The following NRXN3 variants were observed in gnomAD, a reference collection of about 807,000 sequenced individuals.
NRXN3 encodes the protein neurexin III.
Under a neutral mutation model 137.6 loss-of-function variants are expected in NRXN3, and 32 were observed. The ratio of observed to expected loss-of-function variants is 0.23; its 90% CI spans 0.18 to 0.31. The LOEUF (loss-of-function observed/expected upper bound fraction) is 0.31. Among genes scored for constraint, NRXN3 ranks in the 10% least tolerant of loss-of-function variants. NRXN3 has a pLI of 1.00. For missense variants in NRXN3, 1,574 were observed against 2,062.5 expected (o/e 0.76, Z 4.59); for synonymous variants, 798 against 784.5 (o/e 1.02, Z -0.29).
Position 79,228,652 on chromosome 14 carries a change from T to A in NRXN3, c.3263-238569T>A, listed in dbSNP as rs138545736. 2.1e-3 allele frequency among the ~76,000 whole-genome samples: 318 copies of A among 152,284 alleles called. 4 individuals are homozygous for A. The highest frequency in any genetic ancestry group is 0.014 in the Middle Eastern group (4 of 294). ...ATATATGGAGAGAGAGAAAAGGGTATATTTGTGCCTTGGATTCATTAGTAA... is the reference window on the plus strand; with the variant it reads ...ATATATGGAGAGAGAGAAAAGGGTAAATTTGTGCCTTGGATTCATTAGTAA... On this transcript the variant is annotated intron_variant, in intron 15 of 20. Coordinates refer to ENST00000335750, the MANE Select transcript of NRXN3 (RefSeq NM_001330195.2).
At chr14:78,740,662 T>C (rs902537221) in intron 8 of NRXN3, among the ~76,000 whole-genome samples, 9 of 152,054 alleles carry the variant, frequency 5.9e-5, no homozygotes, top group Non-Finnish European at 1.0e-4. Context: ...TTCTCCTGGA[T>C]AATGAGGACC....
At position 79,559,653 on chromosome 14, in the gene NRXN3, G is replaced by GA. The variant is rs538590748; in HGVS notation, c.3444+92259dup. On this transcript the variant is annotated intron_variant, in intron 16 of 20. Transcript: ENST00000335750. The stretch of plus-strand genomic sequence containing the variant: ...AGATGTGAAGTGAGCCCATGCTGTT[G>GA]AAAAAAAATAGTGTGGATAGATTTA... Among the ~76,000 whole-genome samples, 438 of 151,808 alleles carry GA rather than the reference G, an allele frequency of 2.9e-3. 2 individuals are homozygous for GA. The highest frequency in any genetic ancestry group is 0.01 in the African/African-American group (415 of 41,424).
intron 16 of NRXN3, among the ~76,000 whole-genome samples, chr14:79,621,423 G>A (rs2098223251): frequency 6.6e-6 from 1 of 152,238 alleles, no homozygotes. Flanking sequence ...AAAGGTGCCA[G>A]TGGAGAAAAG....
chr14:79,131,554 T>A (rs1275896203), intron 15 of NRXN3, among the ~76,000 whole-genome samples: 3 of 152,354 alleles, frequency 2.0e-5, no homozygotes, highest in South Asian at 4.1e-4. Flanking sequence ...TCTAGCTGCA[T>A]GCTGGGAGAA....
At chr14:79,544,151 C>G (rs960596899) in intron 16 of NRXN3, among the ~76,000 whole-genome samples, 1 of 152,152 alleles carries the variant, frequency 6.6e-6, no homozygotes, top group African/African-American at 2.4e-5. Context: ...GCTGGGGCAA[C>G]AAATTAAGGG....
intron 19 of NRXN3, among the ~76,000 whole-genome samples, chr14:79,752,415 A>C (rs554320127): frequency 1.7e-4 from 26 of 152,292 alleles, no homozygotes; most frequent in Middle Eastern, 6.8e-3. Flanking sequence ...ATAACGCTGC[A>C]TATCTACAAC....
At chr14:79,406,093 T>G (rs2095305592) in intron 15 of NRXN3, among the ~76,000 whole-genome samples, 1 of 152,014 alleles carries the variant, frequency 6.6e-6, no homozygotes. Context: ...TTATGAAAAT[T>G]CTTCCCATAG....
At chr14:78,186,421 G>T (rs930126257) in intron 1 of NRXN3, among the ~76,000 whole-genome samples, 1 of 152,208 alleles carries the variant, frequency 6.6e-6, no homozygotes, top group Admixed American at 6.5e-5. Flanking sequence ...TTTTTGCAGC[G>T]TGTACATGCA....
At chr14:79,145,186 TGCCTTA>T (rs2059174977) in intron 15 of NRXN3, among the ~76,000 whole-genome samples, 2 of 152,202 alleles carry the variant, frequency 1.3e-5, no homozygotes, top group Non-Finnish European at 2.9e-5. Flanking sequence ...GGCAACCATG[TGCCTTA>T]ATCTGTATGA....
intron 11 of NRXN3, among the ~76,000 whole-genome samples, chr14:78,962,167 G>A (rs532186011): frequency 6.6e-6 from 1 of 152,294 alleles, no homozygotes; most frequent in South Asian, 2.1e-4. Flanking sequence ...TTTGGAATTA[G>A]CACACCTGAG....
intron 1 of NRXN3, among the ~76,000 whole-genome samples, chr14:78,223,607 T>A (rs933662830): frequency 6.6e-6 from 1 of 152,150 alleles, no homozygotes; most frequent in Non-Finnish European, 1.5e-5. Flanking sequence ...GGTTTCAGCG[T>A]TGGGTTGTGC....
At chr14:79,674,849 G>A (rs1319006430) in intron 17 of NRXN3, among the ~76,000 whole-genome samples, 2 of 151,982 alleles carry the variant, frequency 1.3e-5, no homozygotes, top group African/African-American at 2.4e-5. Context: ...GTTTTTCTCA[G>A]AGTTCAGTGG....
chr14:79,441,588 G>A (rs1489846932), intron 15 of NRXN3, among the ~76,000 whole-genome samples: 1 of 151,612 alleles, frequency 6.6e-6, no homozygotes, highest in East Asian at 1.9e-4. Context: ...CACCGTGTTA[G>A]CCAGGATGGT....
chr14:78,396,750 A>ATT (rs534749781), intron 4 of NRXN3, among the ~76,000 whole-genome samples: 1 of 151,334 alleles, frequency 6.6e-6, no homozygotes, highest in East Asian at 1.9e-4. Context: ...TGTTTTCAAG[A>ATT]TTTTTTTTTG....
chr14:78,709,369 C>T lies in NRXN3; in HGVS notation c.1374C>T (p.Ile458=). The change falls in exon 7 of 21, where the codon ATC becomes ATT. Residue 458 remains isoleucine (I), a synonymous_variant. Transcript: ENST00000335750. The part of the protein sequence containing the change: ...PINFETPEAY[I]SLPKWNTKRM... Reference sequence around the variant, plus strand: ...ACTTTGAGACCCCAGAGGCTTACATCAGCTTGCCCAAGTGGAACACTAAAC... The same window carrying T: ...ACTTTGAGACCCCAGAGGCTTACATTAGCTTGCCCAAGTGGAACACTAAAC... The T allele has an allele frequency of 2.5e-6, 4 of 1,614,142 alleles. No homozygotes were observed. The highest frequency in any genetic ancestry group is 3.4e-6 in the Non-Finnish European group (4 of 1,180,020).
intron 4 of NRXN3, among the ~76,000 whole-genome samples, chr14:78,433,388 A>G (rs2093958294): frequency 6.6e-6 from 1 of 152,104 alleles, no homozygotes; most frequent in South Asian, 2.1e-4. Flanking sequence ...CACCTAGATA[A>G]TCTTCCTTTT....
intron 15 of NRXN3, among the ~76,000 whole-genome samples, chr14:79,410,968 C>T (rs1013866236): frequency 7.9e-5 from 12 of 151,972 alleles, no homozygotes; most frequent in Non-Finnish European, 1.6e-4. Flanking sequence ...AAATATGACT[C>T]GTCAGACTCA....
At chr14:79,834,355 C>T (rs1305755240) in intron 20 of NRXN3, among the ~76,000 whole-genome samples, 2 of 152,096 alleles carry the variant, frequency 1.3e-5, no homozygotes, top group Non-Finnish European at 2.9e-5. Flanking sequence ...TTTTCAAGTA[C>T]TGCTCTTAGA....
chr14:78,456,844 T>TCTTTCTTTCTTTCTTTCTTC (rs1491132588), intron 4 of NRXN3, among the ~76,000 whole-genome samples: 1 of 132,994 alleles, frequency 7.5e-6, no homozygotes, highest in East Asian at 2.2e-4. Flanking sequence ...TTTCTTTCTT[T>TCTTTCTTTCTTTCTTTCTTC]CTTTCTTTCT....
Sources: gnomAD v4.1 joint callset for allele counts (sites outside exome capture counted in the v4.1 genomes callset) on GRCh38, gnomAD v4.1.1 for gene constraint, MANE v1.5 for transcripts, NCBI Gene and HGNC (gene_info 2026-07-23, HGNC 2026-07-21) for gene names.